Variants in TAFA2 observed in about 807,000 individuals in gnomAD.
TAFA2 encodes chemokine-like protein TAFA-2.
TAFA2 carries 7 observed loss-of-function variants against 18.8 expected under a neutral mutation model. The ratio of observed to expected loss-of-function variants is 0.37; its 90% confidence interval spans 0.21 to 0.70. The LOEUF (loss-of-function observed/expected upper bound fraction) is 0.70. Ranked by LOEUF, TAFA2 falls within the 30% of genes least tolerant of loss-of-function variation. TAFA2 has a pLI of 0.53. For missense variants in TAFA2, 122 were observed against 158.1 expected (o/e 0.77, Z 1.23); for synonymous variants, 60 against 54.2 (o/e 1.11, Z -0.47).
At chr12:61,905,026 A>G (rs1876283557) in intron 1 of TAFA2, among the ~76,000 whole-genome samples, 1 of 152,202 alleles carries the variant, frequency 6.6e-6, no homozygotes, top group Non-Finnish European at 1.5e-5. Context: ...GCTTACCTTC[A>G]GTACCTACTG....
intron 2 of TAFA2, among the ~76,000 whole-genome samples, chr12:61,774,899 G>A (rs886121376): frequency 2.0e-5 from 3 of 151,740 alleles, no homozygotes; most frequent in African/African-American, 4.8e-5. Flanking sequence ...CACAGACTGG[G>A]TGAAAATGTT....
chr12:61,878,682 C>T (rs984472863), intron 1 of TAFA2, among the ~76,000 whole-genome samples: 3 of 152,188 alleles, frequency 2.0e-5, no homozygotes, highest in Non-Finnish European at 4.4e-5. Context: ...CACACATTTT[C>T]TTATGCCCAA....
At chr12:61,914,660 C>T (rs113514525) in intron 1 of TAFA2, among the ~76,000 whole-genome samples, 3 of 152,094 alleles carry the variant, frequency 2.0e-5, no homozygotes, top group East Asian at 1.9e-4. Context: ...CCTGACATTA[C>T]GTCCTCAAAA....
chr12:61,957,673 G>A (rs949387847), intron 1 of TAFA2, among the ~76,000 whole-genome samples: 2 of 152,104 alleles, frequency 1.3e-5, no homozygotes, highest in African/African-American at 4.8e-5. Flanking sequence ...CCTGATGAAA[G>A]TTGGTCAAGG....
At chr12:61,987,286 T>G (rs997652070) in intron 1 of TAFA2, among the ~76,000 whole-genome samples, 1 of 152,170 alleles carries the variant, frequency 6.6e-6, no homozygotes, top group Non-Finnish European at 1.5e-5. Context: ...CAATAAAGGG[T>G]GAACAAAAGT....
chr12:62,164,078 G>A (rs1431942526), intron 1 of TAFA2, among the ~76,000 whole-genome samples: 1 of 152,104 alleles, frequency 6.6e-6, no homozygotes, highest in Admixed American at 6.6e-5. Flanking sequence ...CAAAGAGAGT[G>A]GAACAAGAAA....
chr12:62,141,074 T>C (rs2062236175), intron 1 of TAFA2, among the ~76,000 whole-genome samples: 2 of 152,208 alleles, frequency 1.3e-5, no homozygotes, highest in African/African-American at 4.8e-5. Flanking sequence ...ATCCTCATTT[T>C]ACAGTTTTAA....
intron 1 of TAFA2, among the ~76,000 whole-genome samples, chr12:62,054,649 C>T (rs2136778876): frequency 6.6e-6 from 1 of 152,290 alleles, no homozygotes; most frequent in African/African-American, 2.4e-5. Flanking sequence ...TGCTTTGTTC[C>T]ATAAAGCTCT....
intron 2 of TAFA2, among the ~76,000 whole-genome samples, chr12:61,785,572 A>T (rs1375276342): frequency 6.6e-6 from 1 of 151,452 alleles, no homozygotes; most frequent in African/African-American, 2.4e-5. Context: ...ATAACTATAA[A>T]TATTGAAGGT....
At chr12:61,991,062 C>G (rs1342080934) in intron 1 of TAFA2, among the ~76,000 whole-genome samples, 3 of 152,110 alleles carry the variant, frequency 2.0e-5, no homozygotes, top group Non-Finnish European at 4.4e-5. Flanking sequence ...CTGAGAGAAG[C>G]AATAGAAAAA....
At position 62,092,725 on chromosome 12, in the gene TAFA2, A is replaced by T. The variant is rs11174306; in HGVS notation, c.-2+98534T>A. On this transcript the variant is annotated intron_variant, in intron 1 of 4. Coordinates refer to ENST00000416284, the MANE Select transcript of TAFA2 (RefSeq NM_178539.5). The stretch of plus-strand genomic sequence containing the variant: ...GTGAATGGATAAATCAACCTCATTA[A>T]CAAACACCTACTATAGTAGATTAGA... Among the ~76,000 whole-genome samples, 1,243 of 152,140 alleles carry T rather than the reference A, an allele frequency of 8.2e-3. 14 individuals carry two copies. Among genetic ancestry groups the T allele is most frequent in the East Asian group, 0.058 (301 of 5,160 alleles).
chr12:62,138,188 G>T (rs753007086), intron 1 of TAFA2, among the ~76,000 whole-genome samples: 1 of 152,072 alleles, frequency 6.6e-6, no homozygotes, highest in Non-Finnish European at 1.5e-5. Flanking sequence ...AAAGGATGAG[G>T]CAAGAGGATG....
intron 2 of TAFA2, among the ~76,000 whole-genome samples, chr12:61,757,296 G>A (rs533809666): frequency 7.9e-5 from 12 of 152,090 alleles, no homozygotes; most frequent in South Asian, 2.1e-4. Context: ...TAGAATGTGC[G>A]TCATGAGGGA....
At chr12:61,947,392 G>A (rs1878311470) in intron 1 of TAFA2, among the ~76,000 whole-genome samples, 2 of 150,702 alleles carry the variant, frequency 1.3e-5, no homozygotes, top group Admixed American at 1.3e-4. Flanking sequence ...CACCAGCATG[G>A]CACATGTATA....
intron 1 of TAFA2, among the ~76,000 whole-genome samples, chr12:62,134,571 C>T (rs1870820588): frequency 6.6e-6 from 1 of 151,956 alleles, no homozygotes; most frequent in Admixed American, 6.6e-5. Context: ...AGTTTGTTAG[C>T]CCAAGCTGAG....
At chr12:62,185,735 T>C (rs1182346635) in intron 1 of TAFA2, among the ~76,000 whole-genome samples, 18 of 152,214 alleles carry the variant, frequency 1.2e-4, no homozygotes, top group African/African-American at 4.1e-4. Context: ...GTAATATGAA[T>C]GGCCATTTCT....
At chr12:62,003,226 A>T (rs1880437296) in intron 1 of TAFA2, among the ~76,000 whole-genome samples, 1 of 152,154 alleles carries the variant, frequency 6.6e-6, no homozygotes, top group Admixed American at 6.5e-5. Flanking sequence ...TCACCTATTC[A>T]ATACTCTCAA....
intron 1 of TAFA2, among the ~76,000 whole-genome samples, chr12:61,970,939 G>T (rs1038833151): frequency 6.6e-6 from 1 of 151,472 alleles, no homozygotes. Context: ...TGTATTTCAC[G>T]AATTTAAAAC....
intron 1 of TAFA2, among the ~76,000 whole-genome samples, chr12:62,012,690 A>G (rs1880811307): frequency 6.6e-6 from 1 of 152,190 alleles, no homozygotes; most frequent in Non-Finnish European, 1.5e-5. Flanking sequence ...AAATAATCCA[A>G]TCTAAAACAC....
Sources: allele counts gnomAD v4.1 joint callset (sites outside exome capture counted in the v4.1 genomes callset), GRCh38; gene constraint gnomAD v4.1.1; transcripts MANE v1.5; gene names NCBI Gene and HGNC (gene_info 2026-07-23, HGNC 2026-07-21).